The following FRMD5 variants were observed in gnomAD, a reference collection of about 807,000 sequenced individuals.
FRMD5 encodes FERM domain-containing protein 5.
A neutral mutation model predicts 69.0 loss-of-function variants in FRMD5; 20 were observed. The ratio of observed to expected loss-of-function variants is 0.29; its 90% CI spans 0.20 to 0.42. The LOEUF (loss-of-function observed/expected upper bound fraction) is 0.42. FRMD5 is among the 10% of genes least tolerant of loss of function. The pLI is 1.00. For missense variants in FRMD5, 595 were observed against 708.6 expected (o/e 0.84, Z 1.82); for synonymous variants, 271 against 260.1 (o/e 1.04, Z -0.40).
At chr15:43,895,442 C>A (rs1247254984) in intron 7 of FRMD5, among the ~76,000 whole-genome samples, 3 of 152,252 alleles carry the variant, frequency 2.0e-5, no homozygotes, top group Admixed American at 1.3e-4. Flanking sequence ...GGTTGCCCTG[C>A]ATCCTGCAGA....
Position 44,026,289 on chromosome 15 carries a change from T to C in FRMD5, c.103-101980A>G, listed in dbSNP as rs150435567. Among the ~76,000 whole-genome samples, 545 of 152,352 alleles carry C rather than the reference T, an allele frequency of 3.6e-3. 5 individuals carry two copies. Among genetic ancestry groups the C allele is most frequent in the African/African-American group, 0.012 (516 of 41,578 alleles). ...AACCCCCACATCTGGCCTCTCTCTT[T>C]CTTGATAGAAACAAATTTCATTCAG... On this transcript the variant is annotated intron_variant, in intron 1 of 13. Transcript: ENST00000417257.
At chr15:43,991,144 T>C (rs908450102) in intron 1 of FRMD5, among the ~76,000 whole-genome samples, 34 of 152,222 alleles carry the variant, frequency 2.2e-4, no homozygotes, top group African/African-American at 8.2e-4. Flanking sequence ...CTGCCAGAGT[T>C]AAGATGCTGT....
At chr15:44,157,170 G>C (rs1472327738) in intron 1 of FRMD5, among the ~76,000 whole-genome samples, 2 of 152,094 alleles carry the variant, frequency 1.3e-5, no homozygotes, top group Non-Finnish European at 2.9e-5. Context: ...CTAAAATCCA[G>C]ACACCTTCAG....
intron 1 of FRMD5, among the ~76,000 whole-genome samples, chr15:44,036,355 T>C (rs1369492864): frequency 7.0e-6 from 1 of 143,546 alleles, no homozygotes; most frequent in Non-Finnish European, 1.5e-5. Flanking sequence ...ATCTTCAAAT[T>C]AAAAAAAAAA....
intron 1 of FRMD5, among the ~76,000 whole-genome samples, chr15:44,052,486 G>C (rs997592469): frequency 6.6e-6 from 1 of 152,112 alleles, no homozygotes; most frequent in Non-Finnish European, 1.5e-5. Context: ...CCAAGTGCAA[G>C]GTGTACTTGT....
intron 1 of FRMD5, among the ~76,000 whole-genome samples, chr15:44,096,774 C>G (rs555664400): frequency 6.6e-5 from 10 of 152,100 alleles, no homozygotes; most frequent in Non-Finnish European, 1.3e-4. Flanking sequence ...CAGTCCTTGA[C>G]CCAGCCCATT....
At chr15:43,994,557 C>T (rs1285549256) in intron 1 of FRMD5, among the ~76,000 whole-genome samples, 1 of 152,094 alleles carries the variant, frequency 6.6e-6, no homozygotes, top group Admixed American at 6.6e-5. Flanking sequence ...CAGCCTCCTG[C>T]GTAGCTGGTA....
chr15:43,963,500 A>T (rs1048115203), intron 1 of FRMD5, among the ~76,000 whole-genome samples: 4 of 152,162 alleles, frequency 2.6e-5, no homozygotes, highest in Non-Finnish European at 5.9e-5. Flanking sequence ...ACAGTGTGGC[A>T]ATTCCTCAGG....
upstream of FRMD5, among the ~76,000 whole-genome samples, chr15:44,196,751 T>TC (rs1491409548): frequency 3.4e-3 from 277 of 80,512 alleles, no homozygotes; most frequent in African/African-American, 9.6e-3. Flanking sequence ...TCTCTCTCTC[T>TC]TTCTCTCTCT....
intron 1 of FRMD5, among the ~76,000 whole-genome samples, chr15:44,140,379 TA>T (rs1164305291): frequency 1.3e-5 from 2 of 152,064 alleles, no homozygotes; most frequent in Admixed American, 6.5e-5. Context: ...AATTACCATA[TA>T]AAAAACTTTG....
intron 1 of FRMD5, among the ~76,000 whole-genome samples, chr15:44,039,764 T>G (rs112353593): frequency 2.0e-5 from 3 of 152,038 alleles, no homozygotes; most frequent in African/African-American, 7.2e-5. Context: ...AGAATGTCTC[T>G]TCTCCTCCAG....
chr15:44,016,785 T>A (rs1445221491), intron 1 of FRMD5, among the ~76,000 whole-genome samples: 1 of 150,898 alleles, frequency 6.6e-6, no homozygotes, highest in Non-Finnish European at 1.5e-5. Context: ...ATTTTATAAA[T>A]AGAGTGGCCT....
At chr15:43,908,774 G>T (rs1330963012) in intron 5 of FRMD5, among the ~76,000 whole-genome samples, 3 of 152,154 alleles carry the variant, frequency 2.0e-5, no homozygotes, top group African/African-American at 4.8e-5. Flanking sequence ...GCCTCAGCTG[G>T]GTAAGCCTCA....
rs563495486 is a variant in FRMD5 at position 43,890,122 on chromosome 15, A to G, written c.729-1250T>C. ...TCCTTCCCTGTTTGATTCCCTCTCA[A>G]ACTCCCTCTCAATCAACCATCAATC... is the stretch of plus-strand genomic sequence containing the variant. On this transcript the variant is annotated intron_variant, in intron 8 of 13. Transcript: ENST00000417257. Among the ~76,000 whole-genome samples, 170 of 151,422 alleles carry G rather than the reference A, an allele frequency of 1.1e-3. 2 individuals carry two copies. The South Asian group carries it at 0.034, about 30-fold the overall frequency.
At chr15:44,186,391 C>T (rs1423823120) in intron 1 of FRMD5, among the ~76,000 whole-genome samples, 1 of 152,074 alleles carries the variant, frequency 6.6e-6, no homozygotes, top group East Asian at 1.9e-4. Context: ...GACTACAGGC[C>T]CTTGGGTTAA....
At chr15:43,990,233 G>C (rs1889609412) in intron 1 of FRMD5, 2 of 410,978 alleles carry the variant, frequency 4.9e-6, no homozygotes. Flanking sequence ...CGAGGGCAAG[G>C]CTCTGTGCTC....
intron 1 of FRMD5, among the ~76,000 whole-genome samples, chr15:43,998,703 G>A (rs188136131): frequency 6.6e-6 from 1 of 152,326 alleles, no homozygotes; most frequent in Non-Finnish European, 1.5e-5. Flanking sequence ...GCTGGCCAGA[G>A]GATTCTATCC....
rs2088183914 is a variant in FRMD5, at chr15:43,872,407, A to G, written c.*1478T>C. The G allele has an allele frequency of 6.6e-6, 1 of 152,114 alleles. No homozygotes were observed. Among genetic ancestry groups the G allele is most frequent in the South Asian group, 2.1e-4 (1 of 4,814 alleles). 9.4% of individuals were successfully genotyped at this position (152,114 alleles called of 1,614,324 possible). A position where few individuals can be genotyped will look rare whatever the true frequency, so the allele number is the denominator to read the frequency against. On this transcript the variant is annotated 3_prime_UTR_variant, in exon 14 of 14. Transcript: ENST00000417257. ...TGTGGGTCCAGGAATATGTCCATTG[A>G]CCACCCTTAAATAAGCCCTCAAGCC...
At chr15:43,888,596 A>G (rs1486344142) in intron 9 of FRMD5, among the ~76,000 whole-genome samples, 2 of 152,224 alleles carry the variant, frequency 1.3e-5, no homozygotes, top group Non-Finnish European at 2.9e-5. Context: ...AGATCTCTTG[A>G]GTGGAAGCTC....
Sources: allele counts gnomAD v4.1 joint callset (sites outside exome capture counted in the v4.1 genomes callset), GRCh38; gene constraint gnomAD v4.1.1; transcripts MANE v1.5; gene names NCBI Gene and HGNC (gene_info 2026-07-23, HGNC 2026-07-21).